The following CACHD1 variants were observed in gnomAD, a reference collection of about 807,000 sequenced individuals.
CACHD1 encodes the protein cache domain containing 1.
CACHD1 carries 71 observed loss-of-function variants against 138.7 expected under a neutral mutation model. That is an observed-to-expected ratio of 0.51 (90% CI 0.42 to 0.62). The LOEUF is 0.62. Among genes scored for constraint, CACHD1 ranks in the 20% least tolerant of loss-of-function variants. The pLI is 0.00. For missense variants in CACHD1, 1,389 were observed against 1,625.3 expected (o/e 0.85, Z 2.50); for synonymous variants, 578 against 591.5 (o/e 0.98, Z 0.33).
At chr1:64,671,306 G>A (rs1026873106) in intron 16 of CACHD1, among the ~76,000 whole-genome samples, 4 of 151,996 alleles carry the variant, frequency 2.6e-5, no homozygotes, top group African/African-American at 7.3e-5. Context: ...CTCTCTGAAC[G>A]TCATATTTCA....
rs555907365 is a variant in CACHD1 at position 64,678,880 on chromosome 1, A to AT, written c.3244+580dup. On this transcript the variant is annotated intron_variant, in intron 23 of 26. Coordinates refer to ENST00000651257, the MANE Select transcript of CACHD1 (RefSeq NM_020925.4). ...GCCAAGATTAGATTGCTTACCTGAG[A>AT]TTTTTTTTTTCAGTCTTTCCAGAAT... Among the ~76,000 whole-genome samples, 42 of 150,620 alleles carry AT rather than the reference A, an allele frequency of 2.8e-4. No individual in the cohort carries two copies. In the South Asian group the frequency reaches 3.8e-3, roughly 14 times the overall value.
At chr1:64,523,316 G>T (rs1296455030) in intron 1 of CACHD1, among the ~76,000 whole-genome samples, 1 of 152,166 alleles carries the variant, frequency 6.6e-6, no homozygotes, top group African/African-American at 2.4e-5. Context: ...GTATGTGGGG[G>T]TTTATTATAC....
intron 16 of CACHD1, among the ~76,000 whole-genome samples, chr1:64,670,517 C>T (rs77086586): frequency 0.058 from 8,756 of 152,160 alleles, 342 homozygotes; most frequent in East Asian, 0.21. Flanking sequence ...ATGGGGAGTT[C>T]GTTGGTCAAG....
chr1:64,566,486 C>A lies in CACHD1; in HGVS notation c.262-15670C>A, dbSNP rs1005353606. ...CCACTGTATGTTTTCAATTCCCCCCCCCCCACAAGGTATGGGGGAAGTACT... is the reference window on the plus strand; with the variant it reads ...CCACTGTATGTTTTCAATTCCCCCCACCCCACAAGGTATGGGGGAAGTACT... On this transcript the variant is annotated intron_variant, in intron 2 of 26. Coordinates refer to ENST00000651257, the MANE Select transcript of CACHD1 (RefSeq NM_020925.4). Among the ~76,000 whole-genome samples, 31 of 143,630 alleles carry A rather than the reference C, an allele frequency of 2.2e-4. 1 individual carries two copies. The highest frequency in any genetic ancestry group is 7.3e-4 in the African/African-American group (30 of 40,986). 94.2% of individuals were successfully genotyped at this position (143,630 alleles called of 152,430 possible).
At chr1:64,521,751 G>A (rs1646499523) in intron 1 of CACHD1, among the ~76,000 whole-genome samples, 1 of 152,086 alleles carries the variant, frequency 6.6e-6, no homozygotes, top group African/African-American at 2.4e-5. Context: ...GGTTCATATG[G>A]TAACAGTTTA....
At chr1:64,635,380 ATTTTTTTTTT>A (rs71056060) in intron 7 of CACHD1, among the ~76,000 whole-genome samples, 2 of 91,846 alleles carry the variant, frequency 2.2e-5, no homozygotes, top group African/African-American at 7.4e-5. Context: ...CTCTAATTTA[ATTTTTTTTTT>A]TTTTTTTTTT....
intron 16 of CACHD1, among the ~76,000 whole-genome samples, chr1:64,666,770 G>T (rs1649646446): frequency 6.6e-6 from 1 of 150,548 alleles, no homozygotes; most frequent in South Asian, 2.1e-4. Flanking sequence ...TAGTAACTCA[G>T]GAGGCTGAGG....
intron 1 of CACHD1, among the ~76,000 whole-genome samples, chr1:64,471,498 C>T (rs958252719): frequency 3.9e-5 from 6 of 152,206 alleles, no homozygotes; most frequent in Admixed American, 1.3e-4. Flanking sequence ...CCCGGGGACA[C>T]CTAGGTCCCG....
chr1:64,470,268 C>A lies in CACHD1; in HGVS notation c.-477C>A, dbSNP rs451576. 2.6e-5 allele frequency among the ~76,000 whole-genome samples: 4 copies of A among 152,104 alleles called. No individual in the cohort carries two copies. The South Asian group carries it at 8.3e-4, about 32-fold the overall frequency. On this transcript the variant is annotated 5_prime_UTR_variant, in exon 1 of 27. Coordinates refer to ENST00000651257, the MANE Select transcript of CACHD1 (RefSeq NM_020925.4). This position sits in a 1 kb window ranked among gnomAD's most constrained non-coding sequence, Gnocchi z 5.2. ...TCCTCGCTCGGGTGGCTGCCCCAGT[C>A]TCGCAGCCCGGCCGCCGCTCCTCTT...
chr1:64,620,692 TTCTTTCTTAATGCATTAA>T (rs1403440827), intron 4 of CACHD1, among the ~76,000 whole-genome samples: 2 of 152,228 alleles, frequency 1.3e-5, no homozygotes, highest in African/African-American at 2.4e-5. Context: ...ACCATACTCT[TTCTTTCTTAATGCATTAA>T]TCTTTCTCAA....
intron 9 of CACHD1, among the ~76,000 whole-genome samples, chr1:64,650,368 C>G (rs1027658498): frequency 2.0e-5 from 3 of 152,176 alleles, no homozygotes; most frequent in Admixed American, 6.5e-5. Context: ...ACCTCTGTCT[C>G]CATGCTGGTC....
intron 3 of CACHD1, among the ~76,000 whole-genome samples, chr1:64,599,995 A>G (rs1205227991): frequency 1.3e-5 from 2 of 152,048 alleles, no homozygotes; most frequent in African/African-American, 4.8e-5. Flanking sequence ...GCAGAATCGT[A>G]TGTGGTTTGT....
intron 3 of CACHD1, among the ~76,000 whole-genome samples, chr1:64,589,921 A>G (rs1291445022): frequency 6.6e-6 from 1 of 152,204 alleles, no homozygotes; most frequent in Non-Finnish European, 1.5e-5. Flanking sequence ...TATCATTAAA[A>G]TTAAGGTTTT....
At chr1:64,691,140 A>G (rs1302764435) in intron 26 of CACHD1, among the ~76,000 whole-genome samples, 183 bp from the exon 27 acceptor site, 2 of 152,066 alleles carry the variant, frequency 1.3e-5, no homozygotes, top group Non-Finnish European at 2.9e-5. Context: ...TAAGGGAAAA[A>G]AAGAGTTATC....
intron 19 of CACHD1, 41 bp downstream of exon 19, chr1:64,673,505 C>A: frequency 7.0e-7 from 1 of 1,432,758 alleles, no homozygotes; most frequent in Non-Finnish European, 9.8e-7. Context: ...TTTTTCCATC[C>A]CATTATGGAA....
chr1:64,562,929 A>C (rs1356907558), intron 2 of CACHD1, among the ~76,000 whole-genome samples: 1 of 152,102 alleles, frequency 6.6e-6, no homozygotes, highest in Non-Finnish European at 1.5e-5. Context: ...TTCATATATC[A>C]AAAAGTTTTG....
chr1:64,675,354 T>C, intron 19 of CACHD1, 47 bp from the exon 20 acceptor site: 1 of 1,476,798 alleles, frequency 6.8e-7, no homozygotes, highest in Non-Finnish European at 9.2e-7. Context: ...TAGGGCTGAG[T>C]CTTTGCATTG....
At chr1:64,610,589 C>T (rs969184806) in intron 4 of CACHD1, among the ~76,000 whole-genome samples, 1 of 152,218 alleles carries the variant, frequency 6.6e-6, no homozygotes, top group Non-Finnish European at 1.5e-5. Flanking sequence ...TGTCCCACAT[C>T]CAGGGGTATG....
intron 12 of CACHD1, among the ~76,000 whole-genome samples, chr1:64,657,919 G>A (rs1649319568): frequency 1.3e-5 from 2 of 152,154 alleles, no homozygotes; most frequent in African/African-American, 4.8e-5. Context: ...TCTTTCTCAA[G>A]TGGCTAGAAC....
Sources: gnomAD v4.1 joint callset for allele counts (sites outside exome capture counted in the v4.1 genomes callset) on GRCh38, gnomAD v4.1.1 for gene constraint, Gnocchi (gnomAD v3.1) non-coding constraint, MANE v1.5 for transcripts, NCBI Gene and HGNC (gene_info 2026-07-23, HGNC 2026-07-21) for gene names.